The following CALN1 variants were observed in gnomAD, a reference collection of about 807,000 sequenced individuals.
The protein encoded by CALN1 is calneuron 1.
In CALN1, 17 loss-of-function variants were observed where a neutral mutation model predicts 30.6. The observed-to-expected ratio is 0.56, with a 90% CI of 0.38 to 0.83. The LOEUF is 0.83. CALN1 is among the 40% of genes least tolerant of loss of function. The probability of loss-of-function intolerance (pLI) is 0.00; values close to 1 mark genes in which losing one functional copy is unlikely to be tolerated. For synonymous variants in CALN1, 156 were observed against 131.4 expected (o/e 1.19, Z -1.28); for missense variants, 291 against 354.9 (o/e 0.82, Z 1.45).
intron 3 of CALN1, among the ~76,000 whole-genome samples, chr7:72,135,420 C>T (rs1190732268): frequency 6.6e-6 from 1 of 152,132 alleles, no homozygotes; most frequent in East Asian, 1.9e-4. Context: ...GTATGGGCTG[C>T]AGAACGGATG....
At chr7:71,935,639 C>T (rs540357746) in intron 5 of CALN1, among the ~76,000 whole-genome samples, 9 of 152,312 alleles carry the variant, frequency 5.9e-5, no homozygotes, top group African/African-American at 1.7e-4. Context: ...AGGAGAATCG[C>T]TTGAACCCGG....
At chr7:72,492,044 A>G in the CALN1 span, among the ~76,000 whole-genome samples, 2 of 152,164 alleles carry the variant, frequency 1.3e-5, no homozygotes, top group African/African-American at 4.8e-5. Context: ...CATGCTCCCA[A>G]TCTCATCTCT....
intron 5 of CALN1, among the ~76,000 whole-genome samples, chr7:71,836,592 C>A (rs62459046): frequency 7.7e-4 from 116 of 150,778 alleles, no homozygotes; most frequent in Non-Finnish European, 1.5e-3. Flanking sequence ...TATTTTATGG[C>A]AAATTCTGTC....
chr7:72,487,734 A>AAAGAAAGAAAGAAAGAAAGG, the CALN1 span, among the ~76,000 whole-genome samples: 2 of 56,612 alleles, frequency 3.5e-5, no homozygotes, highest in African/African-American at 2.2e-4. Context: ...AGAAAGAAAG[A>AAAGAAAGAAAGAAAGAAAGG]AAGGAAGGAA....
intron 5 of CALN1, among the ~76,000 whole-genome samples, chr7:71,832,767 ATT>A (rs140779066): frequency 2.3e-4 from 32 of 137,728 alleles, no homozygotes; most frequent in Admixed American, 5.1e-4. Context: ...CGCCAGGCTA[ATT>A]TTTTTTTTTT....
intron 1 of CALN1, among the ~76,000 whole-genome samples, chr7:72,424,203 G>C (rs1221127858): frequency 6.6e-6 from 1 of 152,102 alleles, no homozygotes; most frequent in African/African-American, 2.4e-5. Flanking sequence ...CAGGTGTCCA[G>C]TTCTCAATGG....
intron 3 of CALN1, among the ~76,000 whole-genome samples, chr7:72,251,858 C>T (rs778404627): frequency 3.3e-5 from 5 of 152,112 alleles, no homozygotes; most frequent in Non-Finnish European, 5.9e-5. Context: ...GGACACTGGA[C>T]AAAGGGTAGA....
At chr7:72,297,553 G>C (rs1283603406) in intron 2 of CALN1, among the ~76,000 whole-genome samples, 1 of 152,138 alleles carries the variant, frequency 6.6e-6, no homozygotes, top group Non-Finnish European at 1.5e-5. Context: ...GATTTTTTTA[G>C]CGAAAACAAG....
chr7:72,002,549 C>T (rs898228385), intron 5 of CALN1, among the ~76,000 whole-genome samples: 1 of 152,020 alleles, frequency 6.6e-6, no homozygotes, highest in East Asian at 1.9e-4. Flanking sequence ...GAAGTGCTAG[C>T]CAGCTCAATA....
chr7:72,024,667 G>C (rs1258239167), intron 4 of CALN1, among the ~76,000 whole-genome samples: 1 of 152,120 alleles, frequency 6.6e-6, no homozygotes, highest in African/African-American at 2.4e-5. Context: ...TCAAAGTGCT[G>C]GGATTACAGG....
chr7:72,482,590 CCACTT>C, the CALN1 span, among the ~76,000 whole-genome samples: 3 of 152,022 alleles, frequency 2.0e-5, no homozygotes, highest in Non-Finnish European at 4.4e-5. Flanking sequence ...TGATACTATA[CCACTT>C]GACATATAAG....
At chr7:71,862,800 C>T (rs1230644004) in intron 5 of CALN1, among the ~76,000 whole-genome samples, 2 of 152,170 alleles carry the variant, frequency 1.3e-5, no homozygotes, top group Non-Finnish European at 2.9e-5. Flanking sequence ...CTTACTATTC[C>T]AGTGGATCAG....
intron 4 of CALN1, among the ~76,000 whole-genome samples, chr7:72,066,173 G>A (rs1265123434): frequency 2.6e-5 from 4 of 152,170 alleles, no homozygotes; most frequent in Admixed American, 2.0e-4. Context: ...AAATCTCATC[G>A]TGTTGGATTC....
At chr7:72,038,445 A>T (rs1584799754) in intron 4 of CALN1, among the ~76,000 whole-genome samples, 1 of 151,678 alleles carries the variant, frequency 6.6e-6, no homozygotes, top group East Asian at 1.9e-4. Context: ...GTGTGATCAC[A>T]GCTCACTGTA....
chr7:72,426,252 T>C (rs1430287301), intron 1 of CALN1, among the ~76,000 whole-genome samples: 1 of 152,220 alleles, frequency 6.6e-6, no homozygotes, highest in African/African-American at 2.4e-5. Flanking sequence ...CTGCAAGTGC[T>C]CTACTGATAT....
chr7:72,047,687 G>A (rs553538342), intron 4 of CALN1, among the ~76,000 whole-genome samples: 15 of 152,270 alleles, frequency 9.9e-5, no homozygotes, highest in Admixed American at 3.3e-4. Context: ...TACCTGGGAC[G>A]CGCTGGCAGG....
At chr7:72,056,006 CAAGA>C (rs1236474539) in intron 4 of CALN1, among the ~76,000 whole-genome samples, 2 of 152,130 alleles carry the variant, frequency 1.3e-5, no homozygotes, top group African/African-American at 4.8e-5. Flanking sequence ...GGCAACAGAG[CAAGA>C]TCCTGTCTCA....
intron 5 of CALN1, among the ~76,000 whole-genome samples, chr7:72,002,030 A>G (rs1799550803): frequency 6.6e-6 from 1 of 152,224 alleles, no homozygotes; most frequent in South Asian, 2.1e-4. Context: ...GAAGAGAAGA[A>G]TTAACTGAAC....
At chr7:72,423,010 G>T (rs536260047) in intron 1 of CALN1, among the ~76,000 whole-genome samples, 1 of 151,554 alleles carries the variant, frequency 6.6e-6, no homozygotes, top group Non-Finnish European at 1.5e-5. Context: ...CTACTCAGGG[G>T]CTAAGACATG....
Sources: gnomAD v4.1 joint callset for allele counts (sites outside exome capture counted in the v4.1 genomes callset) on GRCh38, gnomAD v4.1.1 for gene constraint, MANE v1.5 for transcripts, NCBI Gene and HGNC (gene_info 2026-07-23, HGNC 2026-07-21) for gene names.